RERG: variants seen among roughly 807,000 people sequenced by gnomAD.
RERG encodes the protein RAS like estrogen regulated growth inhibitor.
RERG carries 25 observed loss-of-function variants against 23.2 expected under a neutral mutation model. The ratio of observed to expected loss-of-function variants is 1.08; its 90% CI spans 0.79 to 1.50. The LOEUF is 1.50. Ranked by LOEUF, RERG falls within the 40% of genes most tolerant of loss-of-function variation. The pLI, the probability that RERG is intolerant of heterozygous loss-of-function variation, is 0.00. For missense variants in RERG, 253 were observed against 250.1 expected (o/e 1.01, Z -0.08); for synonymous variants, 81 against 89.1 (o/e 0.91, Z 0.51).
At chr12:15,145,922 C>T (rs1368250615) in intron 2 of RERG, among the ~76,000 whole-genome samples, 1 of 152,190 alleles carries the variant, frequency 6.6e-6, no homozygotes, top group Non-Finnish European at 1.5e-5. Flanking sequence ...GCTTTCCATG[C>T]CTACGGTGGT....
chr12:15,149,460 A>T (rs1269616144), intron 2 of RERG, among the ~76,000 whole-genome samples: 1 of 152,178 alleles, frequency 6.6e-6, no homozygotes, highest in Non-Finnish European at 1.5e-5. Flanking sequence ...GAGGTGGATG[A>T]TACATGAAAG....
At chr12:15,200,952 T>C (rs1434333700) in intron 2 of RERG, among the ~76,000 whole-genome samples, 1 of 151,818 alleles carries the variant, frequency 6.6e-6, no homozygotes, top group African/African-American at 2.4e-5. Flanking sequence ...TCCATCCTCC[T>C]CCCTTAACAC....
intron 2 of RERG, among the ~76,000 whole-genome samples, chr12:15,121,733 C>T (rs1023468386): frequency 2.6e-5 from 4 of 151,780 alleles, no homozygotes; most frequent in Non-Finnish European, 4.4e-5. Flanking sequence ...GAGGCAGGTA[C>T]GATGTTAATT....
intron 2 of RERG, among the ~76,000 whole-genome samples, chr12:15,177,679 G>T (rs1243043652): frequency 1.3e-5 from 2 of 152,116 alleles, no homozygotes; most frequent in Non-Finnish European, 2.9e-5. Flanking sequence ...AGGAACACTT[G>T]TTATCAAACT....
Position 15,173,721 on chromosome 12 carries a change from T to A in RERG, c.61+43708A>T, listed in dbSNP as rs902224450. Among the ~76,000 whole-genome samples, 3 of 152,110 alleles carry A rather than the reference T, an allele frequency of 2.0e-5. No individual in the cohort carries two copies. In the South Asian group the frequency reaches 6.2e-4, roughly 31 times the overall value. On this transcript the variant is annotated intron_variant, in intron 2 of 4. Coordinates refer to ENST00000256953, the MANE Select transcript of RERG (RefSeq NM_032918.3). Reference sequence around the variant, plus strand: ...GTTAAATTTATACTTAAGTATTTTATTCTTTTTATTCTATTGTTAATAAAA... The same window carrying A: ...GTTAAATTTATACTTAAGTATTTTAATCTTTTTATTCTATTGTTAATAAAA...
At chr12:15,182,118 G>C (rs1408408951) in intron 2 of RERG, among the ~76,000 whole-genome samples, 1 of 150,772 alleles carries the variant, frequency 6.6e-6, no homozygotes, top group Non-Finnish European at 1.5e-5. Flanking sequence ...GAGTGCAATG[G>C]CGCGATCTTG....
intron 2 of RERG, among the ~76,000 whole-genome samples, chr12:15,145,970 T>C (rs989441821): frequency 1.3e-5 from 2 of 152,242 alleles, no homozygotes; most frequent in African/African-American, 4.8e-5. Flanking sequence ...GAACCCATAA[T>C]TGCATAGATA....
chr12:15,109,226 C>A lies in RERG; in HGVS notation c.484G>T (p.Glu162Ter), dbSNP rs1212512903. 2.5e-6 allele frequency: 4 copies of A among 1,614,152 alleles called. No homozygotes were observed. Among genetic ancestry groups the A allele is most frequent in the Non-Finnish European group, 3.4e-6 (4 of 1,180,020 alleles). Residue 162 changes from glutamate to a stop codon, truncating the protein, a stop_gained, in exon 5 of 5, where the codon GAA becomes TAA. Transcript: ENST00000256953. LOFTEE classifies it high-confidence loss of function. Reference protein sequence around the residue: ...GEGNITEIFYELCREVRRRRM... With the variant: ...GEGNITEIFY Reference sequence around the variant, plus strand: ...CGGCGACGCACCTCTCGACACAATTCATAGAATATCTCTGTGATGTTCCCT... The same window carrying A: ...CGGCGACGCACCTCTCGACACAATTAATAGAATATCTCTGTGATGTTCCCT...
intron 2 of RERG, among the ~76,000 whole-genome samples, chr12:15,150,070 G>A (rs1053323162): frequency 1.3e-5 from 2 of 152,134 alleles, no homozygotes; most frequent in Admixed American, 6.5e-5. Context: ...GGGAAAGGAC[G>A]GGGAGGGAGA....
intron 2 of RERG, among the ~76,000 whole-genome samples, chr12:15,168,809 C>T (rs1864732865): frequency 1.3e-5 from 2 of 152,170 alleles, no homozygotes; most frequent in Non-Finnish European, 2.9e-5. Context: ...CTTTATAACC[C>T]TGTGCAGTTA....
chr12:15,177,590 C>T (rs963478259), intron 2 of RERG, among the ~76,000 whole-genome samples: 1 of 152,154 alleles, frequency 6.6e-6, no homozygotes, highest in Non-Finnish European at 1.5e-5. Context: ...AATTCAGTGG[C>T]TCCACATTTG....
At chr12:15,204,319 G>A (rs1304420916) in intron 2 of RERG, among the ~76,000 whole-genome samples, 3 of 151,724 alleles carry the variant, frequency 2.0e-5, no homozygotes, top group Non-Finnish European at 4.4e-5. Flanking sequence ...ATTATAAAAA[G>A]GATAGTCTCT....
chr12:15,108,391 A>G lies in RERG; in HGVS notation c.*719T>C, dbSNP rs1863537483. 6.6e-6 allele frequency: 1 copy of G among 152,510 alleles called. No homozygotes were observed. The highest frequency in any genetic ancestry group is 2.4e-5 in the African/African-American group (1 of 41,410). 9.4% of individuals were successfully genotyped at this position (152,510 alleles called of 1,614,324 possible). A position where few individuals can be genotyped will look rare whatever the true frequency, so the allele number is the denominator to read the frequency against. On this transcript the variant is annotated 3_prime_UTR_variant, in exon 5 of 5. Transcript: ENST00000256953. ...CTTCCAATGTTTTTATATCACCCTG[A>G]CTTGATGAAAAAAGGCCCAGCAGGA...
intron 2 of RERG, among the ~76,000 whole-genome samples, chr12:15,211,614 A>C (rs1865367296): frequency 6.6e-6 from 1 of 152,180 alleles, no homozygotes. Context: ...GATCTATTGC[A>C]CAGAATGGTG....
intron 3 of RERG, among the ~76,000 whole-genome samples, chr12:15,114,228 C>T (rs936437598): frequency 1.8e-4 from 28 of 151,540 alleles, no homozygotes; most frequent in African/African-American, 6.3e-4. Context: ...AAAGCTCATG[C>T]ACAGACCAAA....
chr12:15,130,449 G>A (rs1354163099), intron 2 of RERG, among the ~76,000 whole-genome samples: 5 of 152,026 alleles, frequency 3.3e-5, no homozygotes, highest in Admixed American at 3.3e-4. Flanking sequence ...ATGAAGCCAG[G>A]GGACAAATAT....
chr12:15,174,097 G>A (rs568342074), intron 2 of RERG, among the ~76,000 whole-genome samples: 1 of 151,812 alleles, frequency 6.6e-6, no homozygotes, highest in South Asian at 2.1e-4. Context: ...CGTTTTGTAA[G>A]GCAGTCTTGA....
At chr12:15,194,565 C>T (rs1273649096) in intron 2 of RERG, among the ~76,000 whole-genome samples, 1 of 151,860 alleles carries the variant, frequency 6.6e-6, no homozygotes, top group Non-Finnish European at 1.5e-5. Context: ...CACACTCTTC[C>T]TGCCATTCCA....
Position 15,217,400 on chromosome 12 carries a change from C to T in RERG, c.61+29G>A, listed in dbSNP as rs202149071. On this transcript the variant is annotated intron_variant, in intron 2 of 4. Transcript: ENST00000256953. ...AGAAACACACTCACCCACACACACA[C>T]ACTATAACAACCACAACGAAAATCT... The T allele has an allele frequency of 9.8e-5, 149 of 1,515,244 alleles. 1 individual carries two copies. Among genetic ancestry groups the T allele is most frequent in the Admixed American group, 2.3e-4 (14 of 59,886 alleles). The allele number at this position is 1,515,244 out of a possible 1,614,324, so 93.9% of individuals were successfully genotyped here.
Sources: allele counts gnomAD v4.1 joint callset (sites outside exome capture counted in the v4.1 genomes callset), GRCh38; gene constraint gnomAD v4.1.1; transcripts MANE v1.5; gene names NCBI Gene and HGNC (gene_info 2026-07-23, HGNC 2026-07-21).